Variants in EYS observed in about 807,000 individuals in gnomAD.
EYS encodes protein eyes shut homolog.
In EYS, 250 loss-of-function variants were observed where a neutral mutation model predicts 282.1. The ratio of observed to expected loss-of-function variants is 0.89; its 90% confidence interval spans 0.80 to 0.98. EYS has a LOEUF of 0.98. Ranked by LOEUF, EYS falls within the 50% of genes least tolerant of loss-of-function variation. EYS has a pLI of 0.00. For synonymous variants in EYS, 1,355 were observed against 1,282.9 expected (o/e 1.06, Z -1.20); for missense variants, 4,016 against 3,709.0 (o/e 1.08, Z -2.15).
intron 35 of EYS, among the ~76,000 whole-genome samples, chr6:63,908,481 C>T (rs1335974934): frequency 1.3e-5 from 2 of 151,990 alleles, no homozygotes; most frequent in Admixed American, 1.3e-4. Context: ...GATGGAGTCT[C>T]GTTCTATTGC....
At chr6:65,524,255 C>A (rs1003775550) in intron 2 of EYS, among the ~76,000 whole-genome samples, 9 of 152,094 alleles carry the variant, frequency 5.9e-5, no homozygotes, top group African/African-American at 2.2e-4. Context: ...TATTCAGAGG[C>A]ATGAGGAGTC....
At chr6:64,178,804 T>A (rs1375324698) in intron 31 of EYS, among the ~76,000 whole-genome samples, 1 of 152,108 alleles carries the variant, frequency 6.6e-6, no homozygotes, top group Non-Finnish European at 1.5e-5. Flanking sequence ...CACTGGTAGT[T>A]ATTTGCTCAT....
chr6:63,843,310 T>G (rs1326034856), intron 36 of EYS, among the ~76,000 whole-genome samples: 4 of 152,148 alleles, frequency 2.6e-5, no homozygotes, highest in Admixed American at 6.6e-5. Context: ...TCTTTTTGAA[T>G]AGGGCTTTCT....
At chr6:63,753,140 GTATATATA>G (rs33925107) in intron 41 of EYS, among the ~76,000 whole-genome samples, 2,990 of 136,020 alleles carry the variant, frequency 0.022, 77 homozygotes, top group African/African-American at 0.066. Context: ...GTGTGTGTGT[GTATATATA>G]TATATATATA....
At chr6:63,903,290 G>A (rs989213383) in intron 35 of EYS, among the ~76,000 whole-genome samples, 1 of 152,140 alleles carries the variant, frequency 6.6e-6, no homozygotes, top group Non-Finnish European at 1.5e-5. Flanking sequence ...GGGTAGGAAG[G>A]TCATCAAGCT....
At chr6:63,991,534 T>C (rs1324944508) in intron 34 of EYS, among the ~76,000 whole-genome samples, 1 of 151,532 alleles carries the variant, frequency 6.6e-6, no homozygotes, top group Non-Finnish European at 1.5e-5. Flanking sequence ...CCAAAAATTT[T>C]GGAGCTGAAA....
intron 33 of EYS, among the ~76,000 whole-genome samples, chr6:64,061,509 A>G (rs1771169973): frequency 6.6e-6 from 1 of 152,146 alleles, no homozygotes; most frequent in Admixed American, 6.5e-5. Flanking sequence ...TTGATACTGA[A>G]TTGACCTCAG....
intron 12 of EYS, among the ~76,000 whole-genome samples, chr6:65,227,259 A>C (rs1281406592): frequency 6.6e-6 from 1 of 152,182 alleles, no homozygotes; most frequent in African/African-American, 2.4e-5. Context: ...AATATATGAC[A>C]TGTCCAGAGT....
At chr6:63,998,077 G>A (rs1280291950) in intron 34 of EYS, among the ~76,000 whole-genome samples, 1 of 151,994 alleles carries the variant, frequency 6.6e-6, no homozygotes, top group Non-Finnish European at 1.5e-5. Flanking sequence ...TTTTGAGTTG[G>A]CTGCAGTAGC....
intron 1 of EYS, among the ~76,000 whole-genome samples, chr6:65,704,526 G>C (rs1018140472): frequency 6.6e-6 from 1 of 152,290 alleles, no homozygotes; most frequent in South Asian, 2.1e-4. Flanking sequence ...GTGCTTGATG[G>C]AGAGTATATC....
At chr6:64,445,357 C>T (rs182686216) in intron 26 of EYS, among the ~76,000 whole-genome samples, 218 of 152,142 alleles carry the variant, frequency 1.4e-3, no homozygotes, top group Non-Finnish European at 2.2e-3. Flanking sequence ...TAATTCTATA[C>T]ATTTTTATTG....
chr6:65,448,240 C>A (rs1764267433), intron 5 of EYS, among the ~76,000 whole-genome samples: 1 of 152,048 alleles, frequency 6.6e-6, no homozygotes, highest in African/African-American at 2.4e-5. Flanking sequence ...CACACATACA[C>A]ACACTGCACG....
At chr6:64,161,638 G>A (rs115155285) in intron 31 of EYS, among the ~76,000 whole-genome samples, 2,928 of 152,196 alleles carry the variant, frequency 0.019, 82 homozygotes, top group African/African-American at 0.066. Flanking sequence ...ATGAGTCACC[G>A]AAAGTGAATA....
intron 12 of EYS, among the ~76,000 whole-genome samples, chr6:65,209,241 T>A (rs1198629505): frequency 6.6e-6 from 1 of 151,682 alleles, no homozygotes; most frequent in Non-Finnish European, 1.5e-5. Flanking sequence ...CAAAGCCCAG[T>A]GTGTGGGGAA....
At chr6:64,260,739 T>A (rs1357939536) in intron 30 of EYS, among the ~76,000 whole-genome samples, 1 of 152,072 alleles carries the variant, frequency 6.6e-6, no homozygotes, top group Non-Finnish European at 1.5e-5. Flanking sequence ...TAATGAATTA[T>A]CTTTTCCATA....
chr6:64,344,502 C>G (rs1771286630), intron 29 of EYS, among the ~76,000 whole-genome samples: 1 of 152,046 alleles, frequency 6.6e-6, no homozygotes, highest in Non-Finnish European at 1.5e-5. Context: ...TGACAAAATT[C>G]AACAACTCTT....
At chr6:65,405,518 T>C (rs1582249640) in intron 5 of EYS, 151 bp from the exon 6 acceptor site, 1 of 675,308 alleles carries the variant, frequency 1.5e-6, no homozygotes, top group East Asian at 2.7e-5. Flanking sequence ...AGTTATATAT[T>C]ATAAAATTCA....
chr6:65,481,935 T>C (rs542779814), intron 5 of EYS, among the ~76,000 whole-genome samples: 26 of 152,242 alleles, frequency 1.7e-4, no homozygotes, highest in East Asian at 1.9e-4. Context: ...AATAAATCTA[T>C]GGAGGATTCA....
At chr6:64,314,730 T>A (rs182191071) in intron 29 of EYS, among the ~76,000 whole-genome samples, 1 of 152,142 alleles carries the variant, frequency 6.6e-6, no homozygotes, top group Admixed American at 6.5e-5. Flanking sequence ...TTGAAACCAA[T>A]GAGAACAAAG....
Sources: allele counts gnomAD v4.1 joint callset (sites outside exome capture counted in the v4.1 genomes callset), GRCh38; gene constraint gnomAD v4.1.1; transcripts MANE v1.5; gene names NCBI Gene and HGNC (gene_info 2026-07-23, HGNC 2026-07-21).